SLC26A6: variants seen among roughly 807,000 people sequenced by gnomAD.
SLC26A6 encodes solute carrier family 26 member 6, also known as anion exchange transporter.
Under a neutral mutation model 87.1 loss-of-function variants are expected in SLC26A6, and 67 were observed. The observed-to-expected ratio is 0.77, with a 90% CI of 0.63 to 0.94. The LOEUF (loss-of-function observed/expected upper bound fraction) is 0.94, where lower values mean the gene tolerates loss of function less well. Among genes scored for constraint, SLC26A6 ranks in the 40% least tolerant of loss-of-function variants. The probability of loss-of-function intolerance (pLI) is 0.00; values close to 1 mark genes in which losing one functional copy is unlikely to be tolerated. For synonymous variants in SLC26A6, 414 were observed against 405.9 expected (o/e 1.02, Z -0.24); for missense variants, 902 against 973.0 (o/e 0.93, Z 0.97).
At chr3:48,627,117 C>A in intron 17 of SLC26A6, 62 bp from the exon 18 acceptor site, 1 of 1,563,870 alleles carries the variant, frequency 6.4e-7, no homozygotes, top group Non-Finnish European at 8.7e-7. Flanking sequence ...ACTGGCCGCA[C>A]ACAGACACGC....
rs369694653 is a variant in SLC26A6, at chr3:48,626,986, C to T, written c.1963G>A (p.Gly655Arg). The T allele has an allele frequency of 1.3e-5, 21 of 1,614,094 alleles. 1 individual carries two copies. In the Admixed American group the frequency reaches 1.3e-4, roughly 10 times the overall value. Residue 655 changes from glycine (G) to arginine (R), a missense_variant, in exon 18 of 21, where the codon GGG becomes AGG. Coordinates refer to ENST00000395550, the MANE Select transcript of SLC26A6 (RefSeq NM_022911.3). Reference protein sequence around the residue: ...NGQEDSKAPDGSTLKALGLPQ... With the variant: ...NGQEDSKAPDRSTLKALGLPQ... ...AGGCCCAGGGCCTTCAGTGTGGACC[C>T]ATCTGGGGCCTTGGAGTCTTCTTGA...
chr3:48,630,664 G>A lies in SLC26A6; in HGVS notation c.1191C>T (p.Pro397=), dbSNP rs369278809. 20 of 1,601,532 alleles carry A rather than the reference G, an allele frequency of 1.2e-5. No individual in the cohort carries two copies. The highest frequency in any genetic ancestry group is 2.7e-5 in the African/African-American group (2 of 74,678). The change falls in exon 10 of 21, where the codon CCC becomes CCT. Residue 397 remains proline (P), a synonymous_variant. Coordinates refer to ENST00000395550, the MANE Select transcript of SLC26A6 (RefSeq NM_022911.3). The stretch of plus-strand genomic sequence containing the variant: ...GGCTCCGAGACATAGAGCAACTCAC[G>A]GGGAAGCACTGGAAGATGCCTCCGA... ...NLIGGIFQCF[P]VSCSMSRSLV...
At position 48,631,748 on chromosome 3, in the gene SLC26A6, G is replaced by A; in HGVS notation, c.804C>T (p.Val268=). 6.8e-6 allele frequency: 11 copies of A among 1,613,580 alleles called. No individual in the cohort carries two copies. The highest frequency in any genetic ancestry group is 9.3e-6 in the Non-Finnish European group (11 of 1,180,038). ...GCACCACCCCAGCCACAGCTGCAGT[G>A]ACCACGGTGCCAACCTTGCTCTGGG... ...KLPQSKVGTV[V]TAAVAGVVLV... The change falls in exon 7 of 21, where the codon GTC becomes GTT. Residue 268 remains valine, a synonymous_variant. Coordinates refer to ENST00000395550, the MANE Select transcript of SLC26A6 (RefSeq NM_022911.3).
chr3:48,631,587 C>T lies in SLC26A6; in HGVS notation c.903+62G>A, dbSNP rs369217037. 1.3e-5 allele frequency: 20 copies of T among 1,571,702 alleles called. No homozygotes were observed. In the East Asian group the frequency reaches 1.6e-4, roughly 12 times the overall value. On this transcript the variant is annotated intron_variant, in intron 7 of 20. Transcript: ENST00000395550. ...GCCCTCAAATACAGGAGGCTGCCCA[C>T]GTGGCAAGGACCCAGCCTGACCTGC...
At chr3:48,631,418 G>T in intron 7 of SLC26A6, 112 bp from the exon 8 acceptor site, 1 of 1,270,810 alleles carries the variant, frequency 7.9e-7, no homozygotes, top group Non-Finnish European at 1.1e-6. Context: ...CTTCGAGGGT[G>T]GGAAAAAGTC....
rs773427978 is a variant in SLC26A6, at chr3:48,631,671, G to C, written c.881C>G (p.Pro294Arg). ...AACCGTGAGCAGCTCCCCGGGTATC[G>C]GCATGGGCAGCTGCTGCTGCAGCTT... is the stretch of plus-strand genomic sequence containing the variant. ...NDKLQQQLPM[P>R]IPGELLTLIG... is the part of the protein sequence containing the mutation. The change falls in exon 7 of 21, where the codon CCG becomes CGG. Residue 294 changes from proline to arginine, a missense_variant. Transcript: ENST00000395550. 1.2e-6 allele frequency: 2 copies of C among 1,613,198 alleles called. No homozygotes were observed. Among genetic ancestry groups the C allele is most frequent in the African/African-American group, 2.7e-5 (2 of 74,886 alleles).
Position 48,633,858 on chromosome 3 carries a change from TCCC to T in SLC26A6, c.24-226_24-224del, listed in dbSNP as rs1463446337. Reference sequence around the variant, plus strand: ...GAGAAAGCCTCTTTCTAGGACAAAGTCCCCCAAGTAGGGACTGCAGGATGAGCA... The same window carrying T: ...GAGAAAGCCTCTTTCTAGGACAAAGTCCAAGTAGGGACTGCAGGATGAGCA... On this transcript the variant is annotated intron_variant, in intron 1 of 20. Transcript: ENST00000395550. 5 of 1,419,638 alleles carry T rather than the reference TCCC, an allele frequency of 3.5e-6. No individual in the cohort carries two copies. The African/African-American group carries it at 7.2e-5, about 20-fold the overall frequency. The allele number at this position is 1,419,638 out of a possible 1,614,324, so 87.9% of individuals were successfully genotyped here.
At chr3:48,626,718 A>AGGC (rs751337829) in intron 18 of SLC26A6, 33 bp from the exon 19 acceptor site, 8 of 1,613,462 alleles carry the variant, frequency 5.0e-6, no homozygotes, top group Non-Finnish European at 6.8e-6. Flanking sequence ...CCTCAGAGGG[A>AGGC]GGCTCAGGGA....
chr3:48,628,440 C>T lies in SLC26A6; in HGVS notation c.1794G>A (p.Arg598=). 1 of 1,614,018 alleles carries T rather than the reference C, an allele frequency of 6.2e-7. No individual in the cohort carries two copies. The highest frequency in any genetic ancestry group is 2.2e-5 in the East Asian group (1 of 44,884). The change falls in exon 16 of 21, where the codon CGG becomes CGA. Residue 598 remains arginine, a synonymous_variant. Transcript: ENST00000395550. This position sits in a 1 kb window ranked among gnomAD's most constrained non-coding sequence, Gnocchi z 4.4. ...CAGACAAAAGGGGCCCTGCCTGTTT[C>T]CGAAGCTTCTCCTCTTTCTGCAGTT... ...LKQLQKEEKL[R]KQAASPKGAS...
At chr3:48,632,084 CT>C (rs1183345735) in intron 5 of SLC26A6, 40 bp from the exon 6 acceptor site, 1 of 1,609,218 alleles carries the variant, frequency 6.2e-7, no homozygotes, top group Non-Finnish European at 8.5e-7. Flanking sequence ...GGCAGGGGTC[CT>C]GGGGTTGCTA....
chr3:48,631,167 G>A, intron 8 of SLC26A6, 27 bp from the exon 9 acceptor site: 2 of 1,613,532 alleles, frequency 1.2e-6, no homozygotes, highest in Non-Finnish European at 1.7e-6. Context: ...TGAGGCCAAA[G>A]CAAGGTCCTG....
rs761871647 is a variant in SLC26A6, at chr3:48,630,687, C to T, written c.1168G>A (p.Gly390Arg). The change falls in exon 10 of 21, where the codon GGA (glycine) becomes AGA (arginine). Residue 390 changes from glycine (G) to arginine (R), a missense_variant. Around this residue, in one of 3 missense-constraint regions of SLC26A6, gnomAD observed 800 missense variants for 856.8 expected, o/e 0.93. Transcript: ENST00000395550. Reference sequence around the variant, plus strand: ...ACGGGGAAGCACTGGAAGATGCCTCCGATAAGGTTACTGAGGCCCAGGGCC... The same window carrying T: ...ACGGGGAAGCACTGGAAGATGCCTCTGATAAGGTTACTGAGGCCCAGGGCC... ...LVALGLSNLI[G>R]GIFQCFPVSC... 1.1e-5 allele frequency: 18 copies of T among 1,603,094 alleles called. No individual in the cohort carries two copies. In the South Asian group the frequency reaches 1.7e-4, roughly 15 times the overall value.
chr3:48,632,225 T>A lies in SLC26A6; in HGVS notation c.585+20A>T, dbSNP rs199824586. 2 of 1,576,296 alleles carry A rather than the reference T, an allele frequency of 1.3e-6. No individual in the cohort carries two copies. The highest frequency in any genetic ancestry group is 1.7e-6 in the Non-Finnish European group (2 of 1,159,304). The stretch of plus-strand genomic sequence containing the variant: ...AGCAGAAGTGGTGGTGGGGGGCACA[T>A]ACTCCTGACTGTTCCACACCTGGAA... On this transcript the variant is annotated intron_variant, in intron 5 of 20. Transcript: ENST00000395550.
chr3:48,631,345 A>G, intron 7 of SLC26A6, 39 bp from the exon 8 acceptor site: 1 of 1,522,336 alleles, frequency 6.6e-7, no homozygotes, highest in Non-Finnish European at 8.8e-7. Flanking sequence ...AGGTGCTGGC[A>G]CCATGGTCAG....
rs751933328 is a variant in SLC26A6, at chr3:48,633,350, G to A, written c.223C>T (p.Leu75Phe). The change falls in exon 3 of 21, where the codon CTC (leucine) becomes TTC (phenylalanine). Residue 75 changes from leucine to phenylalanine, a missense_variant. By Grantham distance (22) the Leu-to-Phe change is conservative. Transcript: ENST00000395550. Reference sequence around the variant, plus strand: ...CGGGGTAACCAGACCAAAACCGGGAGGTGTTGGAGCAGAAGGGCATAGGCC... The same window carrying A: ...CGGGGTAACCAGACCAAAACCGGGAAGTGTTGGAGCAGAAGGGCATAGGCC... Reference protein sequence around the residue: ...ARAYALLLQHLPVLVWLPRYP... With the variant: ...ARAYALLLQHFPVLVWLPRYP... 3.1e-6 allele frequency: 5 copies of A among 1,613,600 alleles called. No individual in the cohort carries two copies. The South Asian group carries it at 5.5e-5, about 18-fold the overall frequency.
rs752126522 is a variant in SLC26A6 at position 48,630,423 on chromosome 3, TG to T, written c.1326+14del. On this transcript the variant is annotated intron_variant, in intron 11 of 20. Transcript: ENST00000395550. ...GCCTGGCCAAGACCTGAAACCTGGC[TG>T]GGTGGGGGCTCACCTTGGGCAGGTC... 1.3e-6 allele frequency: 2 copies of T among 1,553,412 alleles called. No homozygotes were observed. The highest frequency in any genetic ancestry group is 2.4e-5 in the South Asian group (2 of 84,172).
At chr3:48,629,547 C>T in intron 14 of SLC26A6, 95 bp downstream of exon 14, 6 of 1,367,368 alleles carry the variant, frequency 4.4e-6, no homozygotes, top group South Asian at 1.4e-5. Context: ...ATCCTCAGCC[C>T]CCAGTTCCCT....
At chr3:48,627,787 C>A in intron 17 of SLC26A6, 159 bp downstream of exon 17, 1 of 604,352 alleles carries the variant, frequency 1.7e-6, no homozygotes, top group Non-Finnish European at 2.8e-6. Context: ...TCACGACGCT[C>A]CCTGAAGAAT....
chr3:48,633,586 G>C lies in SLC26A6; in HGVS notation c.73C>G (p.Arg25Gly). Residue 25 changes from arginine (R) to glycine (G), a missense_variant, in exon 2 of 21, where the codon CGG becomes GGG. By Grantham distance (125) the Arg-to-Gly change is moderately radical. Transcript: ENST00000395550. ...CGTTCCATGTGGTAGTCTCGCCTCC[G>C]CAGGTCCATTGCTTGTGTTGCAGAC... ...LLSATQAMDL[R>G]RRDYHMERPL... 3.1e-6 allele frequency: 5 copies of C among 1,613,550 alleles called. No homozygotes were observed. The highest frequency in any genetic ancestry group is 4.2e-6 in the Non-Finnish European group (5 of 1,180,004).
Sources: gnomAD v4.1 joint callset for allele counts on GRCh38, gnomAD v4.1.1 for gene constraint, gnomAD v4.1.1 regional missense constraint, Gnocchi (gnomAD v3.1) non-coding constraint, MANE v1.5 for transcripts, NCBI Gene and HGNC (gene_info 2026-07-23, HGNC 2026-07-21) for gene names.